SPICE1: variants seen among roughly 807,000 people sequenced by gnomAD.
SPICE1 encodes the protein spindle and centriole associated protein 1.
Under a neutral mutation model 102.7 loss-of-function variants are expected in SPICE1, and 75 were observed. That is an observed-to-expected ratio of 0.73 (90% CI 0.61 to 0.88). The LOEUF is 0.88. SPICE1 is among the 40% of genes least tolerant of loss of function. The pLI, the probability that SPICE1 is intolerant of heterozygous loss-of-function variation, is 0.00. For synonymous variants in SPICE1, 308 were observed against 350.3 expected (o/e 0.88, Z 1.35); for missense variants, 979 against 1,020.1 (o/e 0.96, Z 0.55).
chr3:113,514,592 T>C, intron 1 of SPICE1: 1 of 461,434 alleles, frequency 2.2e-6, no homozygotes, highest in Non-Finnish European at 4.3e-6. Flanking sequence ...TCCCTCTGCT[T>C]GGAACACTCA....
rs1243112221 is a variant in SPICE1, at chr3:113,444,806, A to C, written c.*501T>G. 1 of 152,356 alleles carries C rather than the reference A, an allele frequency of 6.6e-6. No homozygotes were observed. 9.4% of individuals were successfully genotyped at this position (152,356 alleles called of 1,614,324 possible). On this transcript the variant is annotated 3_prime_UTR_variant, in exon 18 of 18. Transcript: ENST00000295872. ...TTTTTAAGGCTGTATATTTCACTTGATGGAAAAAGTGATGAACAGCAATGA... is the reference window on the plus strand; with the variant it reads ...TTTTTAAGGCTGTATATTTCACTTGCTGGAAAAAGTGATGAACAGCAATGA...
chr3:113,480,931 A>AT (rs61284128), intron 7 of SPICE1, among the ~76,000 whole-genome samples: 1 of 143,612 alleles, frequency 7.0e-6, no homozygotes. Context: ...AAAGAAAGAA[A>AT]AAAGACCTCA....
intron 15 of SPICE1, chr3:113,449,410 C>A (rs1457382315): frequency 6.6e-6 from 1 of 152,166 alleles, no homozygotes; most frequent in Non-Finnish European, 1.5e-5. Context: ...TGTCTCTAGG[C>A]TTCATAACTA....
At chr3:113,493,961 T>A in intron 5 of SPICE1, 88 bp downstream of exon 5, 2 of 815,758 alleles carry the variant, frequency 2.5e-6, no homozygotes, top group East Asian at 2.5e-5. Flanking sequence ...AATAATATGA[T>A]GCCTAAGAAA....
intron 7 of SPICE1, among the ~76,000 whole-genome samples, chr3:113,477,417 C>G (rs995903310): frequency 6.6e-6 from 1 of 151,478 alleles, no homozygotes; most frequent in Non-Finnish European, 1.5e-5. Context: ...ACCATTTGAC[C>G]CAGCCATCCC....
intron 2 of SPICE1, among the ~76,000 whole-genome samples, chr3:113,505,229 G>A (rs1162816485): frequency 6.6e-6 from 1 of 152,082 alleles, no homozygotes; most frequent in Non-Finnish European, 1.5e-5. Flanking sequence ...ATGAACCCGT[G>A]CAGCTCAAAC....
chr3:113,504,049 A>G (rs1315323007), intron 2 of SPICE1, among the ~76,000 whole-genome samples: 3 of 152,204 alleles, frequency 2.0e-5, no homozygotes, highest in Non-Finnish European at 4.4e-5. Context: ...AGGGCAATGC[A>G]TAATTTCATA....
intron 11 of SPICE1, 99 bp downstream of exon 11, chr3:113,465,554 G>A (rs10511325): frequency 0.047 from 47,836 of 1,010,924 alleles, 1,445 homozygotes; most frequent in East Asian, 0.11. Flanking sequence ...TAATCACATC[G>A]ATACAGTTAA....
At chr3:113,508,863 CAACTGAT>C (rs147862226) in intron 1 of SPICE1, among the ~76,000 whole-genome samples, 1,843 of 152,180 alleles carry the variant, frequency 0.012, 30 homozygotes, top group African/African-American at 0.042. Context: ...AAATGTCCAC[CAACTGAT>C]GAATGTATTA....
At chr3:113,493,534 T>C (rs1213941838) in intron 5 of SPICE1, among the ~76,000 whole-genome samples, 5 of 152,206 alleles carry the variant, frequency 3.3e-5, no homozygotes, top group Non-Finnish European at 7.3e-5. Flanking sequence ...ATTTTACAGA[T>C]CAGTAAACTG....
intron 7 of SPICE1, among the ~76,000 whole-genome samples, chr3:113,470,900 T>C (rs935354241): frequency 6.6e-6 from 1 of 152,264 alleles, no homozygotes; most frequent in African/African-American, 2.4e-5. Flanking sequence ...TCATCCTATG[T>C]CTGTCCCATC....
At chr3:113,445,943 T>A (rs1935502382) in intron 17 of SPICE1, among the ~76,000 whole-genome samples, 1 of 152,162 alleles carries the variant, frequency 6.6e-6, no homozygotes, top group Non-Finnish European at 1.5e-5. Flanking sequence ...AATTAACTTT[T>A]ACAATTTTAA....
rs903847047 is a variant in SPICE1, at chr3:113,450,129, T to C, written c.2323+207A>G. 4 of 583,054 alleles carry C rather than the reference T, an allele frequency of 6.9e-6. No individual in the cohort carries two copies. In the African/African-American group the frequency reaches 7.5e-5, roughly 11 times the overall value. 36.1% of individuals were successfully genotyped at this position (583,054 alleles called of 1,614,324 possible). A position where few individuals can be genotyped will look rare whatever the true frequency, so the allele number is the denominator to read the frequency against. The stretch of plus-strand genomic sequence containing the variant: ...AGACACCAAAGATTAACTATAGGCA[T>C]CATAGGATAGAAATAATCAGGAGAT... On this transcript the variant is annotated intron_variant, in intron 15 of 17. Coordinates refer to ENST00000295872, the MANE Select transcript of SPICE1 (RefSeq NM_144718.4).
chr3:113,514,800 C>A (rs1937291132), intron 1 of SPICE1, 97 bp downstream of exon 1: 1 of 1,280,024 alleles, frequency 7.8e-7, no homozygotes, highest in Non-Finnish European at 1.0e-6. Flanking sequence ...CAATTACCAG[C>A]TCTGTGCAAA....
chr3:113,454,036 G>A, intron 13 of SPICE1, 86 bp from the exon 14 acceptor site: 1 of 1,260,172 alleles, frequency 7.9e-7, no homozygotes, highest in South Asian at 1.6e-5. Flanking sequence ...CACCATGGTA[G>A]TTAGAAAAGT....
chr3:113,501,002 C>T (rs1171713902), intron 3 of SPICE1, among the ~76,000 whole-genome samples: 3 of 152,098 alleles, frequency 2.0e-5, no homozygotes, highest in African/African-American at 7.2e-5. Context: ...AAAAACAGGA[C>T]TTCAAACTTA....
At chr3:113,457,548 G>A (rs1196193205) in intron 12 of SPICE1, among the ~76,000 whole-genome samples, 191 bp from the exon 13 acceptor site, 2 of 152,136 alleles carry the variant, frequency 1.3e-5, no homozygotes, top group African/African-American at 4.8e-5. Context: ...TGGGGGGCTA[G>A]TACTGAGAAG....
chr3:113,504,775 A>G (rs188338990), intron 2 of SPICE1, among the ~76,000 whole-genome samples: 1 of 152,280 alleles, frequency 6.6e-6, no homozygotes. Flanking sequence ...TTGACATTCC[A>G]TTTAAATCTA....
intron 2 of SPICE1, among the ~76,000 whole-genome samples, chr3:113,503,972 G>A (rs1168006316): frequency 1.3e-5 from 2 of 148,170 alleles, no homozygotes; most frequent in African/African-American, 2.5e-5. Flanking sequence ...GATCACTATA[G>A]AGAGGTTCAA....
Sources: gnomAD v4.1 joint callset for allele counts (sites outside exome capture counted in the v4.1 genomes callset) on GRCh38, gnomAD v4.1.1 for gene constraint, MANE v1.5 for transcripts, NCBI Gene and HGNC (gene_info 2026-07-23, HGNC 2026-07-21) for gene names.